NTM: variants seen among roughly 807,000 people sequenced by gnomAD.
NTM encodes the protein neurotrimin, also known as IgLON family member 2.
A neutral mutation model predicts 42.1 loss-of-function variants in NTM; 13 were observed. The observed-to-expected ratio is 0.31, with a 90% CI of 0.20 to 0.49. NTM has a LOEUF of 0.49. Among genes scored for constraint, NTM ranks in the 20% least tolerant of loss-of-function variants. The pLI is 0.99. For missense variants in NTM, 373 were observed against 452.8 expected (o/e 0.82, Z 1.60); for synonymous variants, 187 against 179.2 (o/e 1.04, Z -0.35).
At chr11:131,825,079 A>G (rs767659144) in intron 1 of NTM, among the ~76,000 whole-genome samples, 1 of 152,178 alleles carries the variant, frequency 6.6e-6, no homozygotes, top group South Asian at 2.1e-4. Context: ...TCTGAGGGCT[A>G]TGAGGGAGAA....
At chr11:131,969,024 G>T (rs1014946502) in intron 2 of NTM, among the ~76,000 whole-genome samples, 2 of 152,188 alleles carry the variant, frequency 1.3e-5, no homozygotes, top group African/African-American at 4.8e-5. Context: ...CAGGACAGTA[G>T]CAGGGCTTTT....
intron 2 of NTM, among the ~76,000 whole-genome samples, chr11:132,010,922 C>T (rs964751752): frequency 6.6e-6 from 1 of 151,864 alleles, no homozygotes; most frequent in African/African-American, 2.4e-5. Flanking sequence ...CCCTTAGTCT[C>T]AGTTACTTAT....
chr11:131,597,486 A>C (rs2458778), intron 1 of NTM, among the ~76,000 whole-genome samples: 122,615 of 152,112 alleles, frequency 0.81, 49,536 homozygotes, highest in African/African-American at 0.86. Context: ...TCCACTTCAG[A>C]TTCCGCATTC....
intron 3 of NTM, among the ~76,000 whole-genome samples, chr11:132,168,448 A>G (rs2137781178): frequency 6.6e-6 from 1 of 152,234 alleles, no homozygotes; most frequent in East Asian, 1.9e-4. Flanking sequence ...AATGGCCAGC[A>G]AGCCCACAAG....
At chr11:131,888,241 C>T (rs925780139) in intron 1 of NTM, among the ~76,000 whole-genome samples, 1 of 152,024 alleles carries the variant, frequency 6.6e-6, no homozygotes, top group African/African-American at 2.4e-5. Flanking sequence ...GTGGAGGTTG[C>T]AGTGAGCTGA....
chr11:132,162,701 T>G (rs1423231401), intron 3 of NTM, among the ~76,000 whole-genome samples: 1 of 149,966 alleles, frequency 6.7e-6, no homozygotes, highest in Non-Finnish European at 1.5e-5. Context: ...AATGTGTATG[T>G]GATCTTGTGT....
chr11:132,317,451 T>C (rs771151950), intron 7 of NTM, among the ~76,000 whole-genome samples: 3 of 152,152 alleles, frequency 2.0e-5, no homozygotes, highest in Non-Finnish European at 2.9e-5. Flanking sequence ...CGGCATTCAA[T>C]ATGGAAACAT....
chr11:131,981,189 T>G (rs1169506897), intron 2 of NTM: 1 of 152,096 alleles, frequency 6.6e-6, no homozygotes, highest in African/African-American at 2.4e-5. Flanking sequence ...TGTGAGCCCT[T>G]TGGGAATGCT....
intron 1 of NTM, among the ~76,000 whole-genome samples, chr11:131,553,044 C>T (rs1481158223): frequency 6.6e-6 from 1 of 152,080 alleles, no homozygotes; most frequent in Non-Finnish European, 1.5e-5. Context: ...AAATTAAACT[C>T]TTATGTTCAG....
chr11:131,941,377 A>C (rs1593046513), intron 2 of NTM, among the ~76,000 whole-genome samples: 1 of 152,194 alleles, frequency 6.6e-6, no homozygotes, highest in Non-Finnish European at 1.5e-5. Context: ...TACCATCAGC[A>C]AAAGAGCCAT....
intron 1 of NTM, among the ~76,000 whole-genome samples, chr11:131,904,328 A>G (rs1447944495): frequency 6.6e-6 from 1 of 150,454 alleles, no homozygotes; most frequent in Non-Finnish European, 1.5e-5. Flanking sequence ...GGGGTTTTAA[A>G]CTCCAAATTT....
intron 1 of NTM, chr11:131,795,936 G>A (rs1218478852): frequency 1.0e-6 from 1 of 979,356 alleles, no homozygotes; most frequent in Non-Finnish European, 1.2e-6. Flanking sequence ...CTGAGCTGCA[G>A]CATGGAAGTG....
At chr11:131,474,096 G>A (rs1458629602) in intron 1 of NTM, among the ~76,000 whole-genome samples, 1 of 151,980 alleles carries the variant, frequency 6.6e-6, no homozygotes, top group African/African-American at 2.4e-5. Context: ...ACTGCAATCT[G>A]GCCCCTAGTC....
chr11:132,258,519 A>T (rs1404925210), intron 4 of NTM, among the ~76,000 whole-genome samples: 1 of 152,120 alleles, frequency 6.6e-6, no homozygotes, highest in Non-Finnish European at 1.5e-5. Flanking sequence ...AAAACTAGGG[A>T]AGTCCAGGTC....
intron 1 of NTM, chr11:131,535,521 G>T (rs913910995): frequency 6.6e-6 from 1 of 152,086 alleles, no homozygotes; most frequent in African/African-American, 2.4e-5. Flanking sequence ...TGAAATTCTT[G>T]TCAGTCTGTT....
rs114528889 is a variant in NTM, at chr11:131,684,575, G to C, written c.83-226989G>C. Reference sequence around the variant, plus strand: ...GCCGCTTCCTTTATGTAGGACACTGGCCCCTCATTTGCTCAGCTTTGGGAC... The same window carrying C: ...GCCGCTTCCTTTATGTAGGACACTGCCCCCTCATTTGCTCAGCTTTGGGAC... On this transcript the variant is annotated intron_variant, in intron 1 of 8. Transcript: ENST00000683400. Among the ~76,000 whole-genome samples, 956 of 152,324 alleles carry C rather than the reference G, an allele frequency of 6.3e-3. 12 individuals are homozygous for C. The highest frequency in any genetic ancestry group is 0.022 in the African/African-American group (899 of 41,572).
At chr11:131,575,312 C>T (rs576704106) in intron 1 of NTM, among the ~76,000 whole-genome samples, 1 of 152,186 alleles carries the variant, frequency 6.6e-6, no homozygotes, top group Non-Finnish European at 1.5e-5. Flanking sequence ...CCCCCCGTCA[C>T]ATTAAACCTT....
At position 131,694,301 on chromosome 11, in the gene NTM, T is replaced by C. The variant is rs2075158230; in HGVS notation, c.83-217263T>C. 1.3e-5 allele frequency among the ~76,000 whole-genome samples: 2 copies of C among 152,248 alleles called. 1 individual carries two copies. Among genetic ancestry groups the C allele is most frequent in the Admixed American group, 1.3e-4 (2 of 15,292 alleles). ...ACCCTTGCAGCATCTACTCTTCCTC[T>C]AGTTCTCAAGCTACAGACCATTTTC... On this transcript the variant is annotated intron_variant, in intron 1 of 8. Coordinates refer to ENST00000683400, the MANE Select transcript of NTM (RefSeq NM_001352005.2).
intron 1 of NTM, among the ~76,000 whole-genome samples, chr11:131,805,841 A>G (rs2092450667): frequency 6.6e-6 from 1 of 152,218 alleles, no homozygotes; most frequent in African/African-American, 2.4e-5. Context: ...ATTAAATTTA[A>G]CGGAGCAAAC....
Sources: allele counts gnomAD v4.1 joint callset (sites outside exome capture counted in the v4.1 genomes callset), GRCh38; gene constraint gnomAD v4.1.1; transcripts MANE v1.5; gene names NCBI Gene and HGNC (gene_info 2026-07-23, HGNC 2026-07-21).